FARP1: variants seen among roughly 807,000 people sequenced by gnomAD.
FARP1 encodes FERM, ARHGEF and pleckstrin domain-containing protein 1.
FARP1 carries 52 observed loss-of-function variants against 128.8 expected under a neutral mutation model. The ratio of observed to expected loss-of-function variants is 0.40; its 90% CI spans 0.32 to 0.51. The LOEUF is 0.51. Ranked by LOEUF, FARP1 falls within the 20% of genes least tolerant of loss-of-function variation. The probability of loss-of-function intolerance (pLI) is 0.45; values close to 1 mark genes in which losing one functional copy is unlikely to be tolerated. For missense variants in FARP1, 1,333 were observed against 1,367.9 expected (o/e 0.97, Z 0.40); for synonymous variants, 580 against 551.8 (o/e 1.05, Z -0.72).
chr13:98,222,677 A>G (rs1030638065), intron 2 of FARP1, among the ~76,000 whole-genome samples: 15 of 151,130 alleles, frequency 9.9e-5, no homozygotes, highest in African/African-American at 3.7e-4. Flanking sequence ...GCTGGAGTGC[A>G]GTGGAATGAT....
At chr13:98,323,505 A>G (rs1240711370) in intron 2 of FARP1, among the ~76,000 whole-genome samples, 1 of 151,728 alleles carries the variant, frequency 6.6e-6, no homozygotes, top group Non-Finnish European at 1.5e-5. Flanking sequence ...AATAATAAAT[A>G]CACTGAATTT....
At chr13:98,179,829 C>A (rs1291498569) in intron 1 of FARP1, among the ~76,000 whole-genome samples, 3 of 152,092 alleles carry the variant, frequency 2.0e-5, no homozygotes, top group Non-Finnish European at 4.4e-5. Context: ...TGCACTCCAG[C>A]CTGGGTGACT....
At chr13:98,360,545 G>C (rs551773438) in intron 3 of FARP1, among the ~76,000 whole-genome samples, 2 of 152,332 alleles carry the variant, frequency 1.3e-5, no homozygotes, top group East Asian at 3.9e-4. Context: ...AGAAGCCAGG[G>C]ATGGGGGCTC....
chr13:98,163,703 A>C (rs1370985077), intron 1 of FARP1, among the ~76,000 whole-genome samples: 1 of 128,132 alleles, frequency 7.8e-6, no homozygotes, highest in Non-Finnish European at 1.7e-5. Flanking sequence ...TAAACTTAGC[A>C]TGGCCTTTTC....
chr13:98,435,482 G>A, intron 18 of FARP1, 94 bp from the exon 19 acceptor site: 2 of 1,265,800 alleles, frequency 1.6e-6, no homozygotes, highest in South Asian at 1.5e-5. Flanking sequence ...GCAGGGACTG[G>A]AGTGATTTCC....
chr13:98,439,792 C>T (rs572218004), intron 21 of FARP1, among the ~76,000 whole-genome samples, 169 bp from the exon 22 acceptor site: 29 of 152,306 alleles, frequency 1.9e-4, no homozygotes, highest in Non-Finnish European at 3.5e-4. Context: ...GTCGCCTTTC[C>T]GATTTGGGTT....
chr13:98,269,683 G>A (rs535604092), intron 2 of FARP1, among the ~76,000 whole-genome samples: 1 of 152,366 alleles, frequency 6.6e-6, no homozygotes, highest in South Asian at 2.1e-4. Flanking sequence ...GTTTGTCAAG[G>A]AAGGGGTTGG....
rs1878768114 is a variant in FARP1, at chr13:98,185,003, A to G, written c.-23-28217A>G. On this transcript the variant is annotated intron_variant, in intron 1 of 26. Transcript: ENST00000319562. The stretch of plus-strand genomic sequence containing the variant: ...CCATGGCCAGTTGCAGGCTACCAAC[A>G]TGACATCATTGCACACAGAGTTAGG... Among the ~76,000 whole-genome samples, 11 of 152,340 alleles carry G rather than the reference A, an allele frequency of 7.2e-5. 1 individual carries two copies. The South Asian group carries it at 1.9e-3, about 26-fold the overall frequency.
rs532965083 is a variant in FARP1, at chr13:98,245,302, T to C, written c.171+31889T>C. The C allele has an allele frequency of 1.2e-5, 12 of 985,388 alleles. 1 individual carries two copies. Among genetic ancestry groups the C allele is most frequent in the African/African-American group, 1.0e-4 (6 of 57,356 alleles). 61.0% of individuals were successfully genotyped at this position (985,388 alleles called of 1,614,324 possible). A position where few individuals can be genotyped will look rare whatever the true frequency, so the allele number is the denominator to read the frequency against. On this transcript the variant is annotated intron_variant, in intron 2 of 26. Transcript: ENST00000319562. ...AAGGCGAATAAAGTCAGATCTACTTTAATACATGTTTGTCTTACCAGCTTA... is the reference window on the plus strand; with the variant it reads ...AAGGCGAATAAAGTCAGATCTACTTCAATACATGTTTGTCTTACCAGCTTA...
chr13:98,223,515 G>A (rs1785326168), intron 2 of FARP1, among the ~76,000 whole-genome samples: 1 of 152,112 alleles, frequency 6.6e-6, no homozygotes, highest in Non-Finnish European at 1.5e-5. Context: ...TAGGAGAGAT[G>A]GAGTTTCACC....
rs905363809 is a variant in FARP1 at position 98,445,857 on chromosome 13, G to A, written c.2797-241G>A. The A allele has an allele frequency of 6.9e-5, 32 of 464,830 alleles. 1 individual carries two copies. Among genetic ancestry groups the A allele is most frequent in the Middle Eastern group, 5.8e-4 (1 of 1,730 alleles). The allele number at this position is 464,830 out of a possible 1,614,324, so 28.8% of individuals were successfully genotyped here. A position where few individuals can be genotyped will look rare whatever the true frequency, so the allele number is the denominator to read the frequency against. ...AGGTACTGGTAGTCAGGACCTCAAC[G>A]TGTCTTTTGGGGGGACACAGGGACC... On this transcript the variant is annotated intron_variant, in intron 24 of 26. Transcript: ENST00000319562.
At chr13:98,372,318 C>G (rs1368964193) in intron 5 of FARP1, among the ~76,000 whole-genome samples, 2 of 152,134 alleles carry the variant, frequency 1.3e-5, no homozygotes, top group Admixed American at 6.5e-5. Flanking sequence ...AACTCCTGAC[C>G]TCATGATCTG....
chr13:98,357,520 T>A (rs974178754), intron 3 of FARP1, among the ~76,000 whole-genome samples: 1 of 152,246 alleles, frequency 6.6e-6, no homozygotes, highest in East Asian at 1.9e-4. Flanking sequence ...GGAATGCTGA[T>A]CTGCTGTTAC....
At chr13:98,385,878 AC>A in intron 8 of FARP1, 64 bp downstream of exon 8, 1 of 1,544,524 alleles carries the variant, frequency 6.5e-7, no homozygotes, top group East Asian at 2.3e-5. Context: ...TGGCCCTTCA[AC>A]TCTGATTCAT....
chr13:98,443,861 G>GTGGGGCAGGGGAGGGAAAGGACA (rs1892639427), intron 24 of FARP1, among the ~76,000 whole-genome samples: 1 of 150,238 alleles, frequency 6.7e-6, no homozygotes, highest in South Asian at 2.1e-4. Flanking sequence ...GGGAAGGGAC[G>GTGGGGCAGGGGAGGGAAAGGACA]GGGTGCAGAC....
intron 1 of FARP1, among the ~76,000 whole-genome samples, chr13:98,207,908 C>CCCCACACACACACA (rs1555327643): frequency 1.4e-5 from 1 of 71,574 alleles, no homozygotes; most frequent in African/African-American, 6.1e-5. Flanking sequence ...ACCACCACCT[C>CCCCACACACACACA]CACACACACA....
chr13:98,259,387 C>G (rs1188916991), intron 2 of FARP1, among the ~76,000 whole-genome samples: 1 of 148,160 alleles, frequency 6.7e-6, no homozygotes, highest in Non-Finnish European at 1.5e-5. Flanking sequence ...CTTGCATTTA[C>G]TAGTTTTTAA....
At chr13:98,381,328 A>G (rs966248771) in intron 6 of FARP1, among the ~76,000 whole-genome samples, 1 of 152,164 alleles carries the variant, frequency 6.6e-6, no homozygotes, top group African/African-American at 2.4e-5. Flanking sequence ...TTTGGCAGAA[A>G]CTATATTACC....
At chr13:98,208,944 A>G (rs1228009267) in intron 1 of FARP1, among the ~76,000 whole-genome samples, 1 of 152,218 alleles carries the variant, frequency 6.6e-6, no homozygotes, top group Non-Finnish European at 1.5e-5. Context: ...AAACTCTACA[A>G]AATGAGATTT....
Sources: allele counts gnomAD v4.1 joint callset (sites outside exome capture counted in the v4.1 genomes callset), GRCh38; gene constraint gnomAD v4.1.1; transcripts MANE v1.5; gene names NCBI Gene and HGNC (gene_info 2026-07-23, HGNC 2026-07-21).